Variants in SORCS3 observed in about 807,000 individuals in gnomAD.
The protein encoded by SORCS3 is sortilin related VPS10 domain containing receptor 3.
SORCS3 carries 57 observed loss-of-function variants against 146.3 expected under a neutral mutation model. The ratio of observed to expected loss-of-function variants is 0.39; its 90% CI spans 0.31 to 0.49. SORCS3 has a LOEUF of 0.49. SORCS3 is among the 20% of genes least tolerant of loss of function. The pLI is 0.92. For missense variants in SORCS3, 1,341 were observed against 1,575.5 expected, an observed-to-expected ratio of 0.85 and a Z score of 2.52; for synonymous variants, 653 against 618.5, an observed-to-expected ratio of 1.06 and a Z score of -0.83.
At chr10:104,805,251 A>T (rs1461125761) in intron 1 of SORCS3, among the ~76,000 whole-genome samples, 2 of 152,220 alleles carry the variant, frequency 1.3e-5, no homozygotes, top group East Asian at 3.8e-4. Flanking sequence ...GAGAACACAG[A>T]GGATGGGAGT....
intron 5 of SORCS3, among the ~76,000 whole-genome samples, chr10:105,069,373 T>C (rs1172006741): frequency 6.6e-6 from 1 of 152,238 alleles, no homozygotes; most frequent in Non-Finnish European, 1.5e-5. Context: ...AAGAGCATGT[T>C]TCTGGGACAA....
At chr10:104,979,166 A>C (rs2054918857) in intron 4 of SORCS3, among the ~76,000 whole-genome samples, 1 of 151,988 alleles carries the variant, frequency 6.6e-6, no homozygotes, top group African/African-American at 2.4e-5. Context: ...TTTTGTGTTG[A>C]TTTTTGGGGT....
Position 104,759,944 on chromosome 10 carries a change from AAAAAC to A in SORCS3, c.628-82839_628-82835del, listed in dbSNP as rs1178380963. Among the ~76,000 whole-genome samples the A allele has an allele frequency of 2.6e-5, 4 of 152,318 alleles. No individual in the cohort carries two copies. The East Asian group carries it at 5.8e-4, about 22-fold the overall frequency. On this transcript the variant is annotated intron_variant, in intron 1 of 26. Transcript: ENST00000369701. ...TTCAGATTCTGGAAGGTTCTAGAGA[AAAAAC>A]AAAACAAAGTAATGTACCGAGGGGA...
At chr10:104,993,819 C>T (rs536123115) in intron 4 of SORCS3, among the ~76,000 whole-genome samples, 4 of 152,270 alleles carry the variant, frequency 2.6e-5, no homozygotes, top group African/African-American at 9.6e-5. Flanking sequence ...CATTTAATCT[C>T]CATTATAGGT....
At chr10:105,068,863 G>T (rs948701011) in intron 5 of SORCS3, among the ~76,000 whole-genome samples, 1 of 152,132 alleles carries the variant, frequency 6.6e-6, no homozygotes, top group Non-Finnish European at 1.5e-5. Context: ...ATTTCTTACT[G>T]ACCATAGTAA....
chr10:104,675,695 T>G (rs947423930), intron 1 of SORCS3, among the ~76,000 whole-genome samples: 2 of 152,210 alleles, frequency 1.3e-5, no homozygotes, highest in African/African-American at 4.8e-5. Flanking sequence ...TTTGTGAACT[T>G]TCTATTTGGT....
At chr10:104,973,078 G>C (rs1404815603) in intron 3 of SORCS3, among the ~76,000 whole-genome samples, 1 of 152,012 alleles carries the variant, frequency 6.6e-6, no homozygotes, top group East Asian at 1.9e-4. Flanking sequence ...TTTTTGATGT[G>C]CTGCTGGATT....
chr10:105,213,682 GTCAT>G (rs1320010438), intron 17 of SORCS3, among the ~76,000 whole-genome samples: 2 of 152,162 alleles, frequency 1.3e-5, no homozygotes, highest in Non-Finnish European at 2.9e-5. Flanking sequence ...ATGACATGGT[GTCAT>G]TGTACATAAT....
intron 5 of SORCS3, among the ~76,000 whole-genome samples, chr10:105,046,565 T>C (rs2055373140): frequency 1.3e-5 from 2 of 152,134 alleles, no homozygotes; most frequent in South Asian, 4.1e-4. Flanking sequence ...TTAGAATACA[T>C]TGGAAATTGT....
chr10:105,118,182 G>A (rs1361233264), intron 7 of SORCS3, among the ~76,000 whole-genome samples: 2 of 152,086 alleles, frequency 1.3e-5, no homozygotes, highest in Non-Finnish European at 2.9e-5. Flanking sequence ...TGAATTATGG[G>A]GGCGGTTATC....
intron 2 of SORCS3, among the ~76,000 whole-genome samples, chr10:104,874,472 C>T (rs1256549333): frequency 6.6e-6 from 1 of 152,060 alleles, no homozygotes; most frequent in Admixed American, 6.6e-5. Context: ...GCCTTTCCAA[C>T]GTGTACTACT....
At chr10:104,880,513 T>G (rs1390355533) in intron 2 of SORCS3, among the ~76,000 whole-genome samples, 5 of 152,178 alleles carry the variant, frequency 3.3e-5, no homozygotes, top group Admixed American at 2.0e-4. Flanking sequence ...TGATGCCTAA[T>G]TATAGGATTA....
At chr10:105,159,911 G>C (rs2056247595) in intron 11 of SORCS3, among the ~76,000 whole-genome samples, 1 of 152,160 alleles carries the variant, frequency 6.6e-6, no homozygotes, top group African/African-American at 2.4e-5. Context: ...TGGCATGTTA[G>C]TCAACTCCTG....
chr10:105,125,533 TA>T (rs1287378316), intron 7 of SORCS3, among the ~76,000 whole-genome samples: 1 of 152,142 alleles, frequency 6.6e-6, no homozygotes, highest in Non-Finnish European at 1.5e-5. Context: ...TTCTCCTCCT[TA>T]AACAAGAAAT....
intron 23 of SORCS3, 70 bp downstream of exon 23, chr10:105,252,976 T>G: frequency 6.4e-7 from 1 of 1,554,592 alleles, no homozygotes; most frequent in Non-Finnish European, 8.7e-7. Context: ...AAAGCTGTTT[T>G]CAGCCAGAAA....
At chr10:104,848,824 G>A (rs552145438) in intron 2 of SORCS3, among the ~76,000 whole-genome samples, 2 of 152,284 alleles carry the variant, frequency 1.3e-5, no homozygotes, top group South Asian at 4.1e-4. Context: ...TGTTATGCTT[G>A]CTATCCTCAA....
At chr10:104,804,730 G>A (rs1286920500) in intron 1 of SORCS3, among the ~76,000 whole-genome samples, 1 of 152,200 alleles carries the variant, frequency 6.6e-6, no homozygotes. Flanking sequence ...TCCTGGCAGA[G>A]ATAGAATAAG....
At chr10:104,718,371 C>T (rs1365173207) in intron 1 of SORCS3, among the ~76,000 whole-genome samples, 5 of 152,068 alleles carry the variant, frequency 3.3e-5, no homozygotes, top group Non-Finnish European at 1.5e-5. Flanking sequence ...ATGATGAACC[C>T]GTTCCCTCCA....
intron 3 of SORCS3, among the ~76,000 whole-genome samples, chr10:104,918,541 G>A (rs1449442939): frequency 3.3e-5 from 5 of 152,166 alleles, no homozygotes; most frequent in Non-Finnish European, 7.4e-5. Flanking sequence ...CAGCAGTGAT[G>A]GTTTTCAGTT....
Sources: gnomAD v4.1 joint callset for allele counts (sites outside exome capture counted in the v4.1 genomes callset) on GRCh38, gnomAD v4.1.1 for gene constraint, MANE v1.5 for transcripts, NCBI Gene and HGNC (gene_info 2026-07-23, HGNC 2026-07-21) for gene names.